The following PIP4K2A variants were observed in gnomAD, a reference collection of about 807,000 sequenced individuals.
The protein encoded by PIP4K2A is phosphatidylinositol-5-phosphate 4-kinase type 2 alpha.
Under a neutral mutation model 42.9 loss-of-function variants are expected in PIP4K2A, and 14 were observed. That is an observed-to-expected ratio of 0.33 (90% CI 0.22 to 0.51). The LOEUF (loss-of-function observed/expected upper bound fraction) is 0.51. Ranked by LOEUF, PIP4K2A falls within the 20% of genes least tolerant of loss-of-function variation. The probability of loss-of-function intolerance (pLI) is 0.97; values close to 1 mark genes in which losing one functional copy is unlikely to be tolerated. For synonymous variants in PIP4K2A, 192 were observed against 192.2 expected (o/e 1.00, Z 0.01); for missense variants, 434 against 519.8 (o/e 0.83, Z 1.61).
chr10:22,551,466 C>T (rs1836409332), intron 6 of PIP4K2A, among the ~76,000 whole-genome samples: 1 of 152,162 alleles, frequency 6.6e-6, no homozygotes, highest in African/African-American at 2.4e-5. Flanking sequence ...AAGTAAACTG[C>T]ACTTATGGCA....
chr10:22,713,518 G>C (rs1004033477), intron 1 of PIP4K2A, among the ~76,000 whole-genome samples: 2 of 152,232 alleles, frequency 1.3e-5, no homozygotes, highest in East Asian at 1.9e-4. Flanking sequence ...GGCGATGCGG[G>C]AGAAGCGCAG....
At chr10:22,711,958 C>T (rs1031186946) in intron 1 of PIP4K2A, among the ~76,000 whole-genome samples, 2 of 152,066 alleles carry the variant, frequency 1.3e-5, no homozygotes, top group African/African-American at 4.8e-5. Context: ...CAACTCAGAG[C>T]CCTCAAAATA....
At chr10:22,537,426 T>C (rs1448334224) in intron 9 of PIP4K2A, 145 bp from the exon 10 acceptor site, 3 of 646,590 alleles carry the variant, frequency 4.6e-6, no homozygotes, top group Admixed American at 2.9e-5. Flanking sequence ...CTGAAAAACA[T>C]CACTCAAAAT....
At chr10:22,550,575 A>C in intron 7 of PIP4K2A, 84 bp downstream of exon 7, 1 of 806,470 alleles carries the variant, frequency 1.2e-6, no homozygotes, top group Non-Finnish European at 2.2e-6. Context: ...TTGAAGATTT[A>C]AATAGATGGT....
intron 1 of PIP4K2A, among the ~76,000 whole-genome samples, chr10:22,669,228 A>T (rs1839404399): frequency 1.3e-5 from 2 of 152,202 alleles, no homozygotes; most frequent in Non-Finnish European, 2.9e-5. Flanking sequence ...CCGAAGATCA[A>T]AAAAGGAAAG....
At chr10:22,680,601 A>G (rs1255681128) in intron 1 of PIP4K2A, among the ~76,000 whole-genome samples, 1 of 152,202 alleles carries the variant, frequency 6.6e-6, no homozygotes, top group Non-Finnish European at 1.5e-5. Flanking sequence ...TCAGTTAAGT[A>G]ACACTGCGTA....
At chr10:22,659,007 C>T (rs1839153725) in intron 1 of PIP4K2A, among the ~76,000 whole-genome samples, 1 of 152,210 alleles carries the variant, frequency 6.6e-6, no homozygotes, top group African/African-American at 2.4e-5. Context: ...GAATGTACCC[C>T]CACCAGAATC....
At chr10:22,615,154 T>A (rs1387123784) in intron 1 of PIP4K2A, among the ~76,000 whole-genome samples, 3 of 152,202 alleles carry the variant, frequency 2.0e-5, no homozygotes, top group Non-Finnish European at 4.4e-5. Context: ...TTGCTCAGGC[T>A]GGAGTGCAGG....
At chr10:22,663,752 T>C (rs1839253312) in intron 1 of PIP4K2A, among the ~76,000 whole-genome samples, 1 of 151,890 alleles carries the variant, frequency 6.6e-6, no homozygotes, top group South Asian at 2.1e-4. Context: ...TGCAAATTAA[T>C]TCTACATTAA....
intron 1 of PIP4K2A, among the ~76,000 whole-genome samples, chr10:22,701,751 A>G (rs1355239485): frequency 6.6e-6 from 1 of 152,224 alleles, no homozygotes; most frequent in African/African-American, 2.4e-5. Context: ...TGAAGGCATG[A>G]AAGAGTTGGA....
intron 1 of PIP4K2A, among the ~76,000 whole-genome samples, chr10:22,691,216 G>A (rs533216787): frequency 5.3e-5 from 8 of 152,238 alleles, no homozygotes; most frequent in East Asian, 3.9e-4. Flanking sequence ...CCCAGAGCTC[G>A]TCCCCTGAAT....
intron 1 of PIP4K2A, among the ~76,000 whole-genome samples, chr10:22,648,882 T>A (rs1014247427): frequency 3.9e-5 from 6 of 152,218 alleles, no homozygotes; most frequent in African/African-American, 1.4e-4. Context: ...GAGATACTTG[T>A]GATCATCAGA....
At chr10:22,573,508 T>C (rs757358809) in intron 4 of PIP4K2A, 51 bp from the exon 5 acceptor site, 2 of 1,521,502 alleles carry the variant, frequency 1.3e-6, no homozygotes, top group Non-Finnish European at 1.8e-6. Flanking sequence ...AAAAGATTGC[T>C]TCCTTAGATG....
At chr10:22,693,169 A>G (rs1362320732) in intron 1 of PIP4K2A, among the ~76,000 whole-genome samples, 1 of 152,230 alleles carries the variant, frequency 6.6e-6, no homozygotes, top group Non-Finnish European at 1.5e-5. Context: ...CAGATTTGTC[A>G]AGGTTGCTAA....
At chr10:22,676,313 C>T (rs1230814295) in intron 1 of PIP4K2A, among the ~76,000 whole-genome samples, 1 of 152,128 alleles carries the variant, frequency 6.6e-6, no homozygotes, top group Non-Finnish European at 1.5e-5. Context: ...GAAACCAGTA[C>T]CTACAGAAGT....
At chr10:22,574,444 G>GTT (rs765734098) in intron 4 of PIP4K2A, among the ~76,000 whole-genome samples, 4,883 of 142,314 alleles carry the variant, frequency 0.034, 263 homozygotes, top group African/African-American at 0.11. Context: ...TTCATTTTCT[G>GTT]TTTTTTTTTT....
At chr10:22,668,418 G>GT (rs948327265) in intron 1 of PIP4K2A, among the ~76,000 whole-genome samples, 195 of 151,902 alleles carry the variant, frequency 1.3e-3, no homozygotes, top group Non-Finnish European at 1.9e-3. Context: ...GTAGCACAGT[G>GT]TTTTTTTTGT....
In PIP4K2A at chr10:22,714,300, G is replaced by A. The variant is rs745600842; in HGVS notation, c.27C>T (p.Ser9=). The change falls in exon 1 of 10, where the codon TCC becomes TCT. Residue 9 remains serine, a synonymous_variant. Transcript: ENST00000376573. MATPGNLG[S]SVLASKTKTK... is the part of the protein sequence containing the mutation. ...TCTTGGTCTTGCTCGCCAGGACAGA[G>A]GACCCTAGGTTGCCGGGGGTCGCCA... 2.5e-6 allele frequency: 4 copies of A among 1,610,060 alleles called. No homozygotes were observed. Among genetic ancestry groups the A allele is most frequent in the East Asian group, 2.3e-5 (1 of 44,336 alleles).
chr10:22,649,961 G>C (rs1251514038), intron 1 of PIP4K2A, among the ~76,000 whole-genome samples: 2 of 152,162 alleles, frequency 1.3e-5, no homozygotes, highest in African/African-American at 4.8e-5. Flanking sequence ...GAGAATGGCA[G>C]GAACACCCAG....
Sources: gnomAD v4.1 joint callset for allele counts (sites outside exome capture counted in the v4.1 genomes callset) on GRCh38, gnomAD v4.1.1 for gene constraint, MANE v1.5 for transcripts, NCBI Gene and HGNC (gene_info 2026-07-23, HGNC 2026-07-21) for gene names.